Variants in DGAT2 observed in about 807,000 individuals in gnomAD.
The protein encoded by DGAT2 is acyl-CoA retinol O-fatty-acyltransferase.
Under a neutral mutation model 48.4 loss-of-function variants are expected in DGAT2, and 33 were observed. The ratio of observed to expected loss-of-function variants is 0.68; its 90% confidence interval spans 0.52 to 0.91. The LOEUF (loss-of-function observed/expected upper bound fraction) is 0.91. DGAT2 is among the 40% of genes least tolerant of loss of function. The pLI is 0.00. For synonymous variants in DGAT2, 191 were observed against 194.1 expected (o/e 0.98, Z 0.13); for missense variants, 446 against 493.7 (o/e 0.90, Z 0.92).
chr11:75,798,264 G>C lies in DGAT2; in HGVS notation c.847G>C (p.Glu283Gln), dbSNP rs767028207. The part of the protein sequence containing the change: ...LVPIYSFGEN[E>Q]VYKQVIFEEG... ...TCCCATCTACTCCTTTGGAGAGAAT[G>C]AAGTGTACAAGCAGGTGATCTTCGA... Residue 283 changes from glutamate to glutamine, a missense_variant, in exon 7 of 8, where the codon GAA (glutamate) becomes CAA (glutamine). Transcript: ENST00000228027. 4 of 1,614,096 alleles carry C rather than the reference G, an allele frequency of 2.5e-6. No individual in the cohort carries two copies. Among genetic ancestry groups the C allele is most frequent in the Non-Finnish European group, 3.4e-6 (4 of 1,180,034 alleles).
At chr11:75,786,923 T>C (rs996583696) in intron 2 of DGAT2, among the ~76,000 whole-genome samples, 1 of 152,212 alleles carries the variant, frequency 6.6e-6, no homozygotes, top group African/African-American at 2.4e-5. Context: ...AGGAAACTAC[T>C]GATAATAAAA....
At chr11:75,781,406 G>A (rs1329288206) in intron 1 of DGAT2, among the ~76,000 whole-genome samples, 1 of 152,236 alleles carries the variant, frequency 6.6e-6, no homozygotes, top group Non-Finnish European at 1.5e-5. Flanking sequence ...ACTGGCCCGG[G>A]GTTCAGCATC....
intron 5 of DGAT2, 55 bp downstream of exon 5, chr11:75,796,587 C>T (rs989979275): frequency 2.6e-6 from 4 of 1,558,860 alleles, no homozygotes; most frequent in Non-Finnish European, 3.5e-6. Flanking sequence ...GCCTGAGCCT[C>T]TCCATCGGGC....
chr11:75,798,207 C>A lies in DGAT2; in HGVS notation c.810-20C>A, dbSNP rs1195699046. On this transcript the variant is annotated intron_variant, in intron 6 of 7. Transcript: ENST00000228027. Reference sequence around the variant, plus strand: ...AAGCCAGTAAGTAGGGTATGACAGACCCTGGCCTCTCCCTTCCAGAGCTGA... The same window carrying A: ...AAGCCAGTAAGTAGGGTATGACAGAACCTGGCCTCTCCCTTCCAGAGCTGA... 3.1e-6 allele frequency: 5 copies of A among 1,613,506 alleles called. No homozygotes were observed. Among genetic ancestry groups the A allele is most frequent in the Non-Finnish European group, 2.5e-6 (3 of 1,179,638 alleles).
intron 1 of DGAT2, among the ~76,000 whole-genome samples, chr11:75,781,549 G>A (rs1944863939): frequency 6.6e-6 from 1 of 152,224 alleles, no homozygotes; most frequent in East Asian, 1.9e-4. Flanking sequence ...CAACTCTAAC[G>A]CCCACGGAAG....
intron 1 of DGAT2, among the ~76,000 whole-genome samples, chr11:75,769,693 C>T (rs1944737374): frequency 6.6e-6 from 1 of 152,140 alleles, no homozygotes; most frequent in Non-Finnish European, 1.5e-5. Context: ...CCCCGCACCC[C>T]CCGCAGCTTT....
intron 4 of DGAT2, chr11:75,794,423 C>G (rs891722638): frequency 6.6e-6 from 1 of 152,236 alleles, no homozygotes; most frequent in Non-Finnish European, 1.5e-5. Flanking sequence ...ATTGATGTCA[C>G]CTCTTTTGAG....
At chr11:75,777,974 A>C (rs541683317) in intron 1 of DGAT2, among the ~76,000 whole-genome samples, 9 of 152,330 alleles carry the variant, frequency 5.9e-5, no homozygotes, top group South Asian at 2.1e-4. Context: ...AACTTTAGCC[A>C]GTCTGACTTG....
chr11:75,798,394 G>T lies in DGAT2; in HGVS notation c.977G>T (p.Gly326Val). ...GRGLFSSDTW[G>V]LVPYSKPITT... ...GGCCTCTTCTCCTCCGACACCTGGG[G>T]GCTGGTGCCCTACTCCAAGCCCATC... is the stretch of plus-strand genomic sequence containing the variant. The change falls in exon 7 of 8, where the codon GGG (glycine) becomes GTG (valine). Residue 326 changes from glycine (G) to valine (V), a missense_variant. Gly to Val is a moderately radical substitution (Grantham distance 109). Coordinates refer to ENST00000228027, the MANE Select transcript of DGAT2 (RefSeq NM_032564.5). 1.2e-6 allele frequency: 2 copies of T among 1,613,770 alleles called. 1 individual carries two copies. The highest frequency in any genetic ancestry group is 2.2e-5 in the South Asian group (2 of 91,058).
chr11:75,780,073 T>C (rs1944844762), intron 1 of DGAT2, among the ~76,000 whole-genome samples: 1 of 152,026 alleles, frequency 6.6e-6, no homozygotes, highest in South Asian at 2.1e-4. Flanking sequence ...GCTGTGGGAG[T>C]GTGCAGAGAG....
chr11:75,799,410 T>C (rs993776008), intron 7 of DGAT2, among the ~76,000 whole-genome samples: 21 of 152,138 alleles, frequency 1.4e-4, no homozygotes, highest in African/African-American at 5.1e-4. Flanking sequence ...GAGACTGTTT[T>C]GGTAGCCAGT....
chr11:75,799,613 T>G (rs1468398436), intron 7 of DGAT2, among the ~76,000 whole-genome samples: 2 of 147,460 alleles, frequency 1.4e-5, no homozygotes, highest in Non-Finnish European at 3.0e-5. Context: ...CACTTTTTAT[T>G]TTTTTTTTTT....
intron 5 of DGAT2, chr11:75,796,926 C>T: frequency 2.1e-6 from 1 of 469,900 alleles, no homozygotes. Context: ...GGAATGTTTG[C>T]CAAATGCATG....
At chr11:75,785,721 T>C (rs1258872319) in intron 2 of DGAT2, among the ~76,000 whole-genome samples, 1 of 152,194 alleles carries the variant, frequency 6.6e-6, no homozygotes, top group Non-Finnish European at 1.5e-5. Flanking sequence ...CGGGACTGTA[T>C]AGGCTGGTAG....
At chr11:75,781,144 T>C (rs1169618658) in intron 1 of DGAT2, among the ~76,000 whole-genome samples, 1 of 152,236 alleles carries the variant, frequency 6.6e-6, no homozygotes, top group Non-Finnish European at 1.5e-5. Flanking sequence ...TGACTTTATC[T>C]TCAAATAGGT....
chr11:75,776,192 G>C (rs1470817341), intron 1 of DGAT2: 1 of 152,196 alleles, frequency 6.6e-6, no homozygotes, highest in Non-Finnish European at 1.5e-5. Context: ...AGGTCAGTCA[G>C]CTGTGGGTGG....
Position 75,796,547 on chromosome 11 carries a change from C to G in DGAT2, c.634+15C>G, listed in dbSNP as rs368295881. 10 of 1,608,750 alleles carry G rather than the reference C, an allele frequency of 6.2e-6. No individual in the cohort carries two copies. The highest frequency in any genetic ancestry group is 2.7e-5 in the African/African-American group (2 of 74,832). On this transcript the variant is annotated intron_variant, in intron 5 of 7. Transcript: ENST00000228027. ...GATGTCTGGAGGTAAGAATCCACCC[C>G]CTGTGCTCCTGCTGGGCACTGTTGT...
intron 1 of DGAT2, among the ~76,000 whole-genome samples, chr11:75,772,712 G>A (rs551385600): frequency 1.0e-3 from 158 of 152,310 alleles, no homozygotes; most frequent in African/African-American, 3.5e-3. Context: ...TGCCGGCCGC[G>A]TGCCATGGCT....
chr11:75,777,612 G>T (rs1181803599), intron 1 of DGAT2, among the ~76,000 whole-genome samples: 1 of 152,186 alleles, frequency 6.6e-6, no homozygotes, highest in Non-Finnish European at 1.5e-5. Context: ...GACTCATCCA[G>T]GCCACTTCCT....
Sources: gnomAD v4.1 joint callset for allele counts (sites outside exome capture counted in the v4.1 genomes callset) on GRCh38, gnomAD v4.1.1 for gene constraint, MANE v1.5 for transcripts, NCBI Gene and HGNC (gene_info 2026-07-23, HGNC 2026-07-21) for gene names.